Variants in MACROD2 observed in about 807,000 individuals in gnomAD.
MACROD2 encodes ADP-ribose glycohydrolase MACROD2.
In MACROD2, 36 loss-of-function variants were observed where a neutral mutation model predicts 70.4. That is an observed-to-expected ratio of 0.51 (90% CI 0.39 to 0.68). The LOEUF is 0.68. Ranked by LOEUF, MACROD2 falls within the 30% of genes least tolerant of loss-of-function variation. The pLI is 0.00. For synonymous variants in MACROD2, 172 were observed against 178.8 expected (o/e 0.96, Z 0.30); for missense variants, 496 against 538.4 (o/e 0.92, Z 0.78).
intron 3 of MACROD2, chr20:14,127,535 G>T (rs998591121): frequency 6.0e-6 from 3 of 499,680 alleles, no homozygotes; most frequent in Non-Finnish European, 1.1e-5. Context: ...TAAGGAGAAA[G>T]CCATTTTTGC....
intron 3 of MACROD2, chr20:14,323,197 C>T (rs186363965): frequency 7.5e-4 from 114 of 152,318 alleles, no homozygotes; most frequent in African/African-American, 2.6e-3. Context: ...AAAACTGCCT[C>T]CTCTTCAGAC....
At chr20:15,312,300 T>C (rs1463071791) in intron 6 of MACROD2, among the ~76,000 whole-genome samples, 1 of 152,250 alleles carries the variant, frequency 6.6e-6, no homozygotes, top group Non-Finnish European at 1.5e-5. Flanking sequence ...TTTGTTAAGA[T>C]GTGATGGTGC....
intron 15 of MACROD2, among the ~76,000 whole-genome samples, chr20:15,988,481 G>A (rs142941560): frequency 1.3e-5 from 2 of 152,182 alleles, no homozygotes; most frequent in African/African-American, 2.4e-5. Context: ...ACAGCTGTAC[G>A]TTTTCCTCTT....
intron 5 of MACROD2, among the ~76,000 whole-genome samples, chr20:15,213,805 A>G (rs887104368): frequency 1.5e-4 from 23 of 152,094 alleles, no homozygotes; most frequent in African/African-American, 5.3e-4. Context: ...AGAAAGCCAC[A>G]TTTATCAGAA....
At chr20:15,835,264 A>C (rs1254936128) in intron 8 of MACROD2, among the ~76,000 whole-genome samples, 1 of 116,908 alleles carries the variant, frequency 8.6e-6, no homozygotes, top group Non-Finnish European at 1.9e-5. Context: ...TTATTAATTC[A>C]GTAATTACTT....
Position 15,490,169 on chromosome 20 carries a change from C to T in MACROD2, c.572-9605C>T, listed in dbSNP as rs200735181. ...TTCCTTCCTTCCTTCCTTCCTTCCT[C>T]CTTTCCTTCCTTCCTTCCTTTCTTC... On this transcript the variant is annotated intron_variant, in intron 7 of 17. Coordinates refer to ENST00000684519, the MANE Select transcript of MACROD2 (RefSeq NM_001351661.2). Among the ~76,000 whole-genome samples the T allele has an allele frequency of 4.2e-4, 43 of 102,612 alleles. No individual in the cohort carries two copies. The East Asian group carries it at 8.1e-3, about 19-fold the overall frequency. The allele number at this position is 102,612 out of a possible 152,430, so 67.3% of individuals were successfully genotyped here.
chr20:15,811,566 A>G (rs2147088033), intron 8 of MACROD2, among the ~76,000 whole-genome samples: 1 of 152,286 alleles, frequency 6.6e-6, no homozygotes, highest in Admixed American at 6.5e-5. Context: ...CTTTAAATTT[A>G]CCTAGTTATT....
At chr20:15,410,274 G>A (rs2046059160) in intron 6 of MACROD2, among the ~76,000 whole-genome samples, 2 of 152,090 alleles carry the variant, frequency 1.3e-5, no homozygotes, top group Admixed American at 6.5e-5. Context: ...TAGTACTTAC[G>A]ACTATCTAAT....
intron 8 of MACROD2, among the ~76,000 whole-genome samples, chr20:15,685,039 CATA>C (rs1294165973): frequency 6.6e-6 from 1 of 151,906 alleles, no homozygotes; most frequent in African/African-American, 2.4e-5. Context: ...TAAAATAAAT[CATA>C]ATAAGTAACA....
intron 3 of MACROD2, among the ~76,000 whole-genome samples, chr20:14,088,781 T>C (rs1251779206): frequency 6.6e-6 from 1 of 152,226 alleles, no homozygotes; most frequent in Non-Finnish European, 1.5e-5. Context: ...CTTAAAAATA[T>C]TTAATACTGT....
intron 8 of MACROD2, among the ~76,000 whole-genome samples, chr20:15,588,621 C>T (rs2048635888): frequency 6.6e-6 from 1 of 152,112 alleles, no homozygotes; most frequent in Non-Finnish European, 1.5e-5. Flanking sequence ...TTTCTTCTGC[C>T]AGATACCCTA....
intron 2 of MACROD2, among the ~76,000 whole-genome samples, chr20:14,055,347 A>G (rs1347972186): frequency 6.6e-6 from 1 of 151,956 alleles, no homozygotes; most frequent in Non-Finnish European, 1.5e-5. Context: ...TCGATTTCCA[A>G]AAATGCATTA....
intron 8 of MACROD2, among the ~76,000 whole-genome samples, chr20:15,506,399 C>T (rs1003115607): frequency 3.9e-5 from 6 of 152,220 alleles, no homozygotes; most frequent in African/African-American, 1.4e-4. Flanking sequence ...ATGCTGCTCT[C>T]ATGCTGATTT....
At chr20:15,576,843 T>C (rs948312762) in intron 8 of MACROD2, among the ~76,000 whole-genome samples, 3 of 152,228 alleles carry the variant, frequency 2.0e-5, no homozygotes, top group Admixed American at 6.5e-5. Flanking sequence ...TGGGAAGTTC[T>C]GTACCACATT....
chr20:14,710,503 A>G (rs2071325631), intron 5 of MACROD2, among the ~76,000 whole-genome samples: 1 of 152,262 alleles, frequency 6.6e-6, no homozygotes, highest in Admixed American at 6.5e-5. Flanking sequence ...GGAACTTGTT[A>G]TCACCACGTA....
intron 3 of MACROD2, among the ~76,000 whole-genome samples, chr20:14,164,980 C>T (rs921573718): frequency 5.9e-5 from 9 of 152,132 alleles, no homozygotes; most frequent in African/African-American, 2.2e-4. Context: ...CCTTCTGCTG[C>T]TGGGGTGAGG....
intron 8 of MACROD2, among the ~76,000 whole-genome samples, chr20:15,775,718 G>A (rs1403007336): frequency 6.6e-6 from 1 of 152,134 alleles, no homozygotes; most frequent in Non-Finnish European, 1.5e-5. Context: ...CGAGGGGAAG[G>A]TCAGCGAATT....
intron 5 of MACROD2, among the ~76,000 whole-genome samples, chr20:14,788,793 G>T (rs2072409605): frequency 1.0e-5 from 1 of 98,170 alleles, no homozygotes; most frequent in Non-Finnish European, 1.9e-5. Context: ...TTTTGAGACA[G>T]ACTCTTGCTC....
intron 6 of MACROD2, among the ~76,000 whole-genome samples, chr20:15,288,101 C>T (rs1312468089): frequency 6.6e-6 from 1 of 152,172 alleles, no homozygotes; most frequent in Non-Finnish European, 1.5e-5. Flanking sequence ...CTGTATCAGT[C>T]AAGGCTTTTT....
Sources: allele counts gnomAD v4.1 joint callset (sites outside exome capture counted in the v4.1 genomes callset), GRCh38; gene constraint gnomAD v4.1.1; transcripts MANE v1.5; gene names NCBI Gene and HGNC (gene_info 2026-07-23, HGNC 2026-07-21).